Variants in MTUS2 observed in about 807,000 individuals in gnomAD.
MTUS2 encodes the protein microtubule-associated tumor suppressor candidate 2.
A neutral mutation model predicts 114.1 loss-of-function variants in MTUS2; 40 were observed. That is an observed-to-expected ratio of 0.35 (90% CI 0.27 to 0.46). The LOEUF is 0.46. MTUS2 is among the 20% of genes least tolerant of loss of function. The pLI is 1.00. For missense variants in MTUS2, 1,679 were observed against 1,705.4 expected, an observed-to-expected ratio of 0.98 and a Z score of 0.27; for synonymous variants, 688 against 672.0, an observed-to-expected ratio of 1.02 and a Z score of -0.37.
chr13:28,894,246 G>A (rs1879095745), intron 2 of MTUS2, among the ~76,000 whole-genome samples: 1 of 137,754 alleles, frequency 7.3e-6, no homozygotes, highest in African/African-American at 2.7e-5. Flanking sequence ...TCTGGGATGG[G>A]ATTAATGTCC....
At chr13:29,243,884 C>G (rs755270693) in intron 5 of MTUS2, among the ~76,000 whole-genome samples, 44 of 152,138 alleles carry the variant, frequency 2.9e-4, no homozygotes, top group Non-Finnish European at 5.9e-4. Flanking sequence ...TTGAAAAGCA[C>G]TGGGATAATT....
At chr13:29,404,208 G>A (rs375636562) in intron 8 of MTUS2, among the ~76,000 whole-genome samples, 3 of 149,754 alleles carry the variant, frequency 2.0e-5, no homozygotes, top group East Asian at 3.9e-4. Context: ...AAAATTAGCC[G>A]AGTGTGGTGG....
chr13:29,491,196 T>A (rs1054241282), intron 11 of MTUS2, among the ~76,000 whole-genome samples: 2 of 55,358 alleles, frequency 3.6e-5, no homozygotes, highest in South Asian at 1.1e-3. Flanking sequence ...ATGTGGTGTA[T>A]GGTGGGGGTG....
chr13:28,907,710 AAATATATATGCAC>A (rs1880128482), intron 2 of MTUS2, among the ~76,000 whole-genome samples: 1 of 151,674 alleles, frequency 6.6e-6, no homozygotes, highest in African/African-American at 2.4e-5. Flanking sequence ...TAACTATCCT[AAATATATATGCAC>A]CCAATACAGG....
In MTUS2 at chr13:28,954,779, C is replaced by G. The variant is rs61950558; in HGVS notation, c.-242-69678C>G. Among the ~76,000 whole-genome samples, 1,002 of 152,178 alleles carry G rather than the reference C, an allele frequency of 6.6e-3. 7 individuals carry two copies. Among genetic ancestry groups the G allele is most frequent in the Non-Finnish European group, 0.012 (828 of 68,014 alleles). On this transcript the variant is annotated intron_variant, in intron 2 of 15. Coordinates refer to ENST00000612955, the MANE Select transcript of MTUS2 (RefSeq NM_001033602.4). Reference sequence around the variant, plus strand: ...AATGATCAGGTTAGGAGTGATCAGCCCTACATGATCAGAGGTGGGGCCTCC... The same window carrying G: ...AATGATCAGGTTAGGAGTGATCAGCGCTACATGATCAGAGGTGGGGCCTCC...
chr13:29,231,908 A>AT (rs1896339232), intron 5 of MTUS2, among the ~76,000 whole-genome samples: 1 of 152,214 alleles, frequency 6.6e-6, no homozygotes, highest in South Asian at 2.1e-4. Flanking sequence ...ATTTTCTCAC[A>AT]TTTTTATGGC....
chr13:29,360,699 C>A (rs867693896), intron 8 of MTUS2, among the ~76,000 whole-genome samples: 5 of 137,328 alleles, frequency 3.6e-5, no homozygotes, highest in East Asian at 2.4e-4. Flanking sequence ...CCCCCCCCCC[C>A]CCGTAAGAAT....
chr13:28,858,264 G>A (rs1876759319), intron 2 of MTUS2, among the ~76,000 whole-genome samples: 1 of 152,116 alleles, frequency 6.6e-6, no homozygotes, highest in South Asian at 2.1e-4. Flanking sequence ...GTTTATGTAA[G>A]TGTATTATAC....
At chr13:29,115,091 G>A (rs1044985384) in intron 5 of MTUS2, among the ~76,000 whole-genome samples, 4 of 152,174 alleles carry the variant, frequency 2.6e-5, no homozygotes. Context: ...GAAATGAAAT[G>A]TAGATTTTTT....
chr13:29,010,242 C>T (rs113558793), intron 2 of MTUS2, among the ~76,000 whole-genome samples: 170 of 150,992 alleles, frequency 1.1e-3, no homozygotes, highest in African/African-American at 3.9e-3. Context: ...AAAATGCTTA[C>T]TGACACACAC....
At chr13:29,421,051 C>A (rs1396155464) in intron 8 of MTUS2, among the ~76,000 whole-genome samples, 1 of 152,190 alleles carries the variant, frequency 6.6e-6, no homozygotes, top group Non-Finnish European at 1.5e-5. Context: ...TGCCATTTCT[C>A]TCTTCTTTTT....
At chr13:29,387,532 G>T (rs1334552986) in intron 8 of MTUS2, among the ~76,000 whole-genome samples, 1 of 152,160 alleles carries the variant, frequency 6.6e-6, no homozygotes, top group Non-Finnish European at 1.5e-5. Flanking sequence ...AGCCCCTGAA[G>T]ATCACTCTTG....
chr13:29,406,950 T>C (rs1415255346), intron 8 of MTUS2, among the ~76,000 whole-genome samples: 1 of 152,318 alleles, frequency 6.6e-6, no homozygotes, highest in Admixed American at 6.5e-5. Flanking sequence ...CAGTGTTTAA[T>C]TGAAAGACAT....
At chr13:28,968,756 T>C (rs1883715660) in intron 2 of MTUS2, among the ~76,000 whole-genome samples, 1 of 152,218 alleles carries the variant, frequency 6.6e-6, no homozygotes, top group Non-Finnish European at 1.5e-5. Flanking sequence ...ATTTTTAACT[T>C]TTTAAACTTT....
chr13:29,308,625 T>C (rs1199170775), intron 6 of MTUS2, among the ~76,000 whole-genome samples: 7 of 152,100 alleles, frequency 4.6e-5, no homozygotes, highest in African/African-American at 1.7e-4. Context: ...AACCTACAGA[T>C]TGGGATAAAA....
intron 5 of MTUS2, among the ~76,000 whole-genome samples, chr13:29,198,444 C>G (rs1894794555): frequency 6.6e-6 from 1 of 152,156 alleles, no homozygotes; most frequent in African/African-American, 2.4e-5. Flanking sequence ...TGTTTTGATA[C>G]CAGTACCATG....
rs753097101 is a variant in MTUS2 at position 29,504,968 on chromosome 13, T to G, written c.*1762T>G. On this transcript the variant is annotated 3_prime_UTR_variant, in exon 16 of 16. Coordinates refer to ENST00000612955, the MANE Select transcript of MTUS2 (RefSeq NM_001033602.4). ...GCAGACATGGTCCCTGGCCCTAGGA[T>G]GAGTCCACGCTGGGCTTCCGGGCCT... is the stretch of plus-strand genomic sequence containing the variant. The G allele has an allele frequency of 1.0e-4, 24 of 232,604 alleles. No homozygotes were observed. The highest frequency in any genetic ancestry group is 2.0e-4 in the Non-Finnish European group (23 of 117,718). The allele number at this position is 232,604 out of a possible 1,614,324, so 14.4% of individuals were successfully genotyped here. A position where few individuals can be genotyped will look rare whatever the true frequency, so the allele number is the denominator to read the frequency against.
chr13:29,330,283 G>T (rs944642305), intron 7 of MTUS2, among the ~76,000 whole-genome samples: 48 of 152,092 alleles, frequency 3.2e-4, no homozygotes, highest in African/African-American at 1.1e-3. Flanking sequence ...TTTTGATGGG[G>T]TTGTTTGCTT....
intron 5 of MTUS2, among the ~76,000 whole-genome samples, chr13:29,132,519 AC>A (rs1183416561): frequency 6.6e-6 from 1 of 151,944 alleles, no homozygotes; most frequent in African/African-American, 2.4e-5. Context: ...ATTTCCCCCA[AC>A]CCTCCAGCCC....
Sources: allele counts gnomAD v4.1 joint callset (sites outside exome capture counted in the v4.1 genomes callset), GRCh38; gene constraint gnomAD v4.1.1; transcripts MANE v1.5; gene names NCBI Gene and HGNC (gene_info 2026-07-23, HGNC 2026-07-21).